The following PXDN variants were observed in gnomAD, a reference collection of about 807,000 sequenced individuals.
PXDN encodes peroxidasin homolog.
PXDN carries 77 observed loss-of-function variants against 140.3 expected under a neutral mutation model. That is an observed-to-expected ratio of 0.55 (90% CI 0.46 to 0.66). PXDN has a LOEUF of 0.66. PXDN is among the 30% of genes least tolerant of loss of function. The pLI is 0.00. For missense variants in PXDN, 1,838 were observed against 2,039.5 expected, an observed-to-expected ratio of 0.90 and a Z score of 1.90; for synonymous variants, 911 against 857.4, an observed-to-expected ratio of 1.06 and a Z score of -1.09.
chr2:1,726,968 G>A (rs138700209), intron 1 of PXDN, among the ~76,000 whole-genome samples: 189 of 152,290 alleles, frequency 1.2e-3, no homozygotes, highest in African/African-American at 4.2e-3. Context: ...GCACACTCAC[G>A]GATCATGTCC....
In PXDN at chr2:1,632,429, G is replaced by A. The variant is rs1682433565; in HGVS notation, c.*1775C>T. 1.3e-5 allele frequency: 2 copies of A among 152,144 alleles called. No homozygotes were observed. The highest frequency in any genetic ancestry group is 4.1e-4 in the South Asian group (2 of 4,824). 9.4% of individuals were successfully genotyped at this position (152,144 alleles called of 1,614,324 possible). On this transcript the variant is annotated 3_prime_UTR_variant, in exon 23 of 23. Coordinates refer to ENST00000252804, the MANE Select transcript of PXDN (RefSeq NM_012293.3). The surrounding 1 kb of genome is among the most constrained non-coding windows in gnomAD (Gnocchi z 4.3). ...TGACAGAAATCTCTTCCACAATTTG[G>A]TCACTACATTTGACTTGCTATTTCA...
At chr2:1,720,253 CAG>C (rs201343599) in intron 1 of PXDN, among the ~76,000 whole-genome samples, 13 of 35,712 alleles carry the variant, frequency 3.6e-4, no homozygotes, top group Admixed American at 1.1e-3. Flanking sequence ...GGGAGGGATG[CAG>C]AGAGAGAGAG....
chr2:1,670,814 C>A (rs574807610), intron 9 of PXDN, among the ~76,000 whole-genome samples: 1 of 152,178 alleles, frequency 6.6e-6, no homozygotes, highest in Non-Finnish European at 1.5e-5. Flanking sequence ...CAGTGCTGTG[C>A]CCTCGGCATG....
At chr2:1,700,369 G>C (rs575579056) in intron 1 of PXDN, among the ~76,000 whole-genome samples, 1 of 152,028 alleles carries the variant, frequency 6.6e-6, no homozygotes, top group Non-Finnish European at 1.5e-5. Flanking sequence ...GCCATTGTCT[G>C]GATTTTTTTT....
intron 14 of PXDN, among the ~76,000 whole-genome samples, chr2:1,656,602 C>T (rs1683140712): frequency 6.6e-6 from 1 of 150,400 alleles, no homozygotes. Context: ...TGAAACCTGT[C>T]CCCTCCTGAA....
At chr2:1,728,518 A>G (rs1209838664) in intron 1 of PXDN, among the ~76,000 whole-genome samples, 1 of 152,240 alleles carries the variant, frequency 6.6e-6, no homozygotes. Context: ...CCTGATACCC[A>G]GGTCCACAGC....
intron 1 of PXDN, among the ~76,000 whole-genome samples, chr2:1,725,783 T>G (rs1286703459): frequency 1.3e-5 from 2 of 152,146 alleles, no homozygotes; most frequent in Non-Finnish European, 2.9e-5. Flanking sequence ...GAACAGACAC[T>G]TCTCAAAAGA....
At chr2:1,701,522 A>G (rs1684428944) in intron 1 of PXDN, among the ~76,000 whole-genome samples, 1 of 152,076 alleles carries the variant, frequency 6.6e-6, no homozygotes. Flanking sequence ...GGGTAGGACC[A>G]CTGAGGTGGG....
intron 9 of PXDN, among the ~76,000 whole-genome samples, chr2:1,670,435 G>A (rs528088878): frequency 6.6e-6 from 1 of 152,244 alleles, no homozygotes; most frequent in South Asian, 2.1e-4. Context: ...AAACTACTAA[G>A]CATTTTGGGA....
At chr2:1,662,895 A>G (rs550847841) in intron 12 of PXDN, among the ~76,000 whole-genome samples, 1 of 151,800 alleles carries the variant, frequency 6.6e-6, no homozygotes, top group Non-Finnish European at 1.5e-5. Context: ...TCTCTGCCCC[A>G]CTCCCCATGG....
rs1183971018 is a variant in PXDN at position 1,662,034 on chromosome 2, A to G, written c.1680+38T>C. 3.3e-6 allele frequency: 5 copies of G among 1,529,096 alleles called. No homozygotes were observed. The African/African-American group carries it at 5.5e-5, about 17-fold the overall frequency. The allele number at this position is 1,529,096 out of a possible 1,614,324, so 94.7% of individuals were successfully genotyped here. A position where few individuals can be genotyped will look rare whatever the true frequency, so the allele number is the denominator to read the frequency against. ...GTGGGTGCCAGCCCGTCTACCTTGT[A>G]TCTGGGTGGTGGCTGGCTCGGGCAC... On this transcript the variant is annotated intron_variant, in intron 13 of 22. Transcript: ENST00000252804.
chr2:1,709,860 G>A (rs1451898323), intron 1 of PXDN, among the ~76,000 whole-genome samples: 1 of 152,214 alleles, frequency 6.6e-6, no homozygotes, highest in East Asian at 1.9e-4. Context: ...AGACCTGCAA[G>A]AGGCCCTCAC....
intron 14 of PXDN, among the ~76,000 whole-genome samples, chr2:1,654,859 C>T (rs1178243780): frequency 6.6e-6 from 1 of 152,110 alleles, no homozygotes; most frequent in Non-Finnish European, 1.5e-5. Context: ...TCTGTGGAGA[C>T]ACCTCAGTGT....
intron 22 of PXDN, 103 bp downstream of exon 22, chr2:1,635,305 A>G (rs1682520332): frequency 2.1e-6 from 2 of 933,284 alleles, no homozygotes; most frequent in Non-Finnish European, 3.4e-6. Context: ...GTAGGCGGGG[A>G]GGGGCCTGGC....
chr2:1,704,980 G>A (rs1684556649), intron 1 of PXDN, among the ~76,000 whole-genome samples: 2 of 152,122 alleles, frequency 1.3e-5, no homozygotes, highest in Non-Finnish European at 2.9e-5. Flanking sequence ...TGTATTCTGA[G>A]GATGTAATGA....
At chr2:1,710,490 C>T (rs967100762) in intron 1 of PXDN, among the ~76,000 whole-genome samples, 3 of 150,584 alleles carry the variant, frequency 2.0e-5, no homozygotes, top group Admixed American at 6.6e-5. Context: ...CCACCAGCAC[C>T]CACTCTCCAC....
intron 22 of PXDN, 75 bp downstream of exon 22, chr2:1,635,333 C>T: frequency 1.5e-6 from 2 of 1,313,848 alleles, no homozygotes; most frequent in Non-Finnish European, 2.1e-6. Flanking sequence ...TCTGGGCCAC[C>T]CACCTGAGTG....
Position 1,648,601 on chromosome 2 carries a change from C to G in PXDN, c.3179G>C (p.Gly1060Ala), listed in dbSNP as rs373308127. Residue 1060 changes from glycine (G) to alanine (A), a missense_variant, in exon 17 of 23, where the codon GGC becomes GCC. Gly to Ala is a moderately conservative substitution (Grantham distance 60). Transcript: ENST00000252804. The surrounding 1 kb of genome is among the most constrained non-coding windows in gnomAD (Gnocchi z 8.9). ...YHGYDPGINA[G>A]IFNAFATAAF... is the part of the protein sequence containing the mutation. ...CGCGGTGGCGAAGGCGTTGAAGATG[C>G]CAGCATTGATGCCGGGGTCGTAGCC... The G allele has an allele frequency of 2.5e-6, 4 of 1,611,008 alleles. No homozygotes were observed. In the African/African-American group the frequency reaches 5.4e-5, roughly 22 times the overall value.
intron 14 of PXDN, among the ~76,000 whole-genome samples, chr2:1,656,004 C>T (rs563209129): frequency 8.6e-5 from 13 of 151,848 alleles, no homozygotes; most frequent in South Asian, 8.3e-4. Flanking sequence ...TAGATACACA[C>T]GACACTATAC....
Sources: gnomAD v4.1 joint callset for allele counts (sites outside exome capture counted in the v4.1 genomes callset) on GRCh38, gnomAD v4.1.1 for gene constraint, Gnocchi (gnomAD v3.1) non-coding constraint, MANE v1.5 for transcripts, NCBI Gene and HGNC (gene_info 2026-07-23, HGNC 2026-07-21) for gene names.